Variants in CSMD2 observed in about 807,000 individuals in gnomAD.
CSMD2 encodes CUB and Sushi multiple domains 2.
Under a neutral mutation model 398.5 loss-of-function variants are expected in CSMD2, and 130 were observed. The ratio of observed to expected loss-of-function variants is 0.33; its 90% CI spans 0.28 to 0.38. The LOEUF (loss-of-function observed/expected upper bound fraction) is 0.38. CSMD2 is among the 10% of genes least tolerant of loss of function. The pLI is 1.00. For synonymous variants in CSMD2, 1,828 were observed against 1,908.5 expected, an observed-to-expected ratio of 0.96 and a Z score of 1.10; for missense variants, 3,829 against 4,764.9, an observed-to-expected ratio of 0.80 and a Z score of 5.78.
chr1:33,632,768 A>G (rs985884658), intron 32 of CSMD2, among the ~76,000 whole-genome samples: 1 of 152,220 alleles, frequency 6.6e-6, no homozygotes, highest in Non-Finnish European at 1.5e-5. Flanking sequence ...ACAGAAATGT[A>G]TATAAAGATG....
chr1:34,022,694 G>C (rs1649079086), intron 3 of CSMD2, among the ~76,000 whole-genome samples: 1 of 152,166 alleles, frequency 6.6e-6, no homozygotes, highest in Admixed American at 6.5e-5. Context: ...AGACAAGTGG[G>C]AAGACAGAGT....
intron 20 of CSMD2, 22 bp downstream of exon 20, chr1:33,716,264 C>T (rs1646164193): frequency 8.8e-6 from 14 of 1,594,504 alleles, no homozygotes; most frequent in Non-Finnish European, 1.2e-5. Flanking sequence ...CTCTTCCCCT[C>T]AGGGACCCTC....
intron 3 of CSMD2, among the ~76,000 whole-genome samples, chr1:33,974,143 C>A (rs1335429993): frequency 1.3e-5 from 2 of 152,184 alleles, no homozygotes; most frequent in Non-Finnish European, 2.9e-5. Context: ...CTTACAGCCA[C>A]GAAAAATGTC....
chr1:33,809,926 G>C (rs927883932), intron 10 of CSMD2, among the ~76,000 whole-genome samples: 1 of 151,912 alleles, frequency 6.6e-6, no homozygotes, highest in Admixed American at 6.6e-5. Context: ...ATAAATATAA[G>C]ATATTTAGGA....
At chr1:33,887,683 C>A (rs1641696779) in intron 5 of CSMD2, among the ~76,000 whole-genome samples, 2 of 152,088 alleles carry the variant, frequency 1.3e-5, no homozygotes, top group African/African-American at 4.8e-5. Context: ...AAAAGCTATG[C>A]TTGCCTTTAA....
At chr1:33,963,324 G>A (rs891786326) in intron 3 of CSMD2, among the ~76,000 whole-genome samples, 8 of 152,160 alleles carry the variant, frequency 5.3e-5, no homozygotes, top group South Asian at 4.2e-4. Context: ...CAAAGATTCC[G>A]ATTTATTTGG....
At position 33,533,667 on chromosome 1, in the gene CSMD2, CAA is replaced by C; in HGVS notation, c.9991+127_9991+128del. 1.5e-6 allele frequency: 1 copy of C among 658,324 alleles called. No individual in the cohort carries two copies. Among genetic ancestry groups the C allele is most frequent in the South Asian group, 1.9e-5 (1 of 53,886 alleles). 40.8% of individuals were successfully genotyped at this position (658,324 alleles called of 1,614,324 possible). On this transcript the variant is annotated intron_variant, in intron 63 of 70. Transcript: ENST00000373381. The surrounding 1 kb of genome is among the most constrained non-coding windows in gnomAD (Gnocchi z 4.2). ...GTGAGGCCCCAAAGTGTAAGGACTACAAAGAGACCGATGTCGGTTCGCATGGG... is the reference window on the plus strand; with the variant it reads ...GTGAGGCCCCAAAGTGTAAGGACTACAGAGACCGATGTCGGTTCGCATGGG...
chr1:34,030,487 C>T (rs10914849), intron 3 of CSMD2, among the ~76,000 whole-genome samples: 16,296 of 152,176 alleles, frequency 0.11, 1,266 homozygotes, highest in East Asian at 0.33. Flanking sequence ...GATCTGAGTT[C>T]TCTAATGCCT....
chr1:34,010,271 CT>C (rs1338969504), intron 3 of CSMD2, among the ~76,000 whole-genome samples: 1 of 152,220 alleles, frequency 6.6e-6, no homozygotes, highest in African/African-American at 2.4e-5. Flanking sequence ...CACTGACCCT[CT>C]TCCTGTAAGA....
Position 33,929,432 on chromosome 1 carries a change from C to CTTTTTTTTTTTTTTT in CSMD2, c.712+6313_712+6327dup, listed in dbSNP as rs936900076. ...TCCTGAACTCAGAACCAAGCCTATA[C>CTTTTTTTTTTTTTTT]TTTTTTTTTTTTTTTTTTTTTTTGA... On this transcript the variant is annotated intron_variant, in intron 4 of 70. Transcript: ENST00000373381. Among the ~76,000 whole-genome samples the CTTTTTTTTTTTTTTT allele has an allele frequency of 2.6e-4, 26 of 100,664 alleles. 5 individuals are homozygous for CTTTTTTTTTTTTTTT. The highest frequency in any genetic ancestry group is 7.1e-4 in the African/African-American group (16 of 22,550). The allele number at this position is 100,664 out of a possible 152,430, so 66.0% of individuals were successfully genotyped here. A position where few individuals can be genotyped will look rare whatever the true frequency, so the allele number is the denominator to read the frequency against.
chr1:33,708,837 C>T (rs964758295), intron 22 of CSMD2, among the ~76,000 whole-genome samples: 4 of 152,064 alleles, frequency 2.6e-5, no homozygotes, highest in Non-Finnish European at 5.9e-5. Context: ...TTTTATTATG[C>T]AGTCAACCCA....
chr1:33,911,976 C>T (rs1643470431), intron 5 of CSMD2, among the ~76,000 whole-genome samples: 1 of 152,212 alleles, frequency 6.6e-6, no homozygotes, highest in African/African-American at 2.4e-5. Context: ...ATGCGCTTCC[C>T]ACCACCTCAT....
intron 3 of CSMD2, among the ~76,000 whole-genome samples, chr1:33,955,539 G>A (rs1297949599): frequency 6.6e-6 from 1 of 152,150 alleles, no homozygotes; most frequent in Non-Finnish European, 1.5e-5. Flanking sequence ...ACCACGTTTT[G>A]ATCTTTTACT....
intron 27 of CSMD2, 52 bp from the exon 28 acceptor site, chr1:33,652,513 T>A: frequency 6.2e-7 from 1 of 1,600,788 alleles, no homozygotes; most frequent in Non-Finnish European, 8.5e-7. Flanking sequence ...CTGGGCTCAT[T>A]TTCATGGGTG....
At chr1:33,574,423 T>C (rs2131777) in intron 49 of CSMD2, among the ~76,000 whole-genome samples, 39,470 of 152,122 alleles carry the variant, frequency 0.26, 5,360 homozygotes, top group African/African-American at 0.3. Flanking sequence ...TCATCCTTGC[T>C]CTTTGACAGC....
intron 25 of CSMD2, among the ~76,000 whole-genome samples, chr1:33,672,808 A>C (rs983631965): frequency 3.9e-5 from 6 of 152,190 alleles, no homozygotes; most frequent in Non-Finnish European, 8.8e-5. Context: ...GTTCACCAAT[A>C]TCTGCTGTTC....
chr1:33,776,977 G>A (rs1414777197), intron 12 of CSMD2, among the ~76,000 whole-genome samples: 2 of 152,098 alleles, frequency 1.3e-5, no homozygotes, highest in Non-Finnish European at 2.9e-5. Flanking sequence ...AGAAGGTCAA[G>A]GCCTGAGAGG....
intron 5 of CSMD2, among the ~76,000 whole-genome samples, chr1:33,898,518 C>G (rs1642541825): frequency 6.6e-6 from 1 of 152,174 alleles, no homozygotes; most frequent in Admixed American, 6.5e-5. Flanking sequence ...GAATAAAGAA[C>G]TTTTACACTG....
intron 1 of CSMD2, among the ~76,000 whole-genome samples, chr1:34,161,995 A>C (rs1641369999): frequency 6.6e-6 from 1 of 151,022 alleles, no homozygotes; most frequent in South Asian, 2.1e-4. Context: ...ACATGGAGAA[A>C]CCCCCCTTCT....
Sources: allele counts gnomAD v4.1 joint callset (sites outside exome capture counted in the v4.1 genomes callset), GRCh38; gene constraint gnomAD v4.1.1; non-coding constraint Gnocchi (gnomAD v3.1); transcripts MANE v1.5; gene names NCBI Gene and HGNC (gene_info 2026-07-23, HGNC 2026-07-21).